The following CNTNAP2 variants were observed in gnomAD, a reference collection of about 807,000 sequenced individuals.
The protein encoded by CNTNAP2 is contactin associated protein 2, also known as contactin-associated protein-like 2.
CNTNAP2 carries 98 observed loss-of-function variants against 155.2 expected under a neutral mutation model. The ratio of observed to expected loss-of-function variants is 0.63; its 90% CI spans 0.54 to 0.75. The LOEUF (loss-of-function observed/expected upper bound fraction) is 0.75. Among genes scored for constraint, CNTNAP2 ranks in the 30% least tolerant of loss-of-function variants. The pLI is 0.00. For missense variants in CNTNAP2, 1,727 were observed against 1,688.1 expected (o/e 1.02, Z -0.40); for synonymous variants, 651 against 631.2 (o/e 1.03, Z -0.47).
At chr7:147,351,162 T>C (rs1795962298) in intron 9 of CNTNAP2, among the ~76,000 whole-genome samples, 1 of 151,834 alleles carries the variant, frequency 6.6e-6, no homozygotes, top group South Asian at 2.1e-4. Flanking sequence ...AAAGTCACTG[T>C]TTTTAGGTTT....
intron 1 of CNTNAP2, among the ~76,000 whole-genome samples, chr7:146,443,189 T>G (rs1796350535): frequency 6.6e-6 from 1 of 151,274 alleles, no homozygotes; most frequent in African/African-American, 2.4e-5. Flanking sequence ...ACTCCAGCCT[T>G]GGTGACAGAG....
intron 1 of CNTNAP2, among the ~76,000 whole-genome samples, chr7:146,575,763 T>A (rs1429224008): frequency 6.6e-6 from 1 of 152,194 alleles, no homozygotes; most frequent in East Asian, 1.9e-4. Context: ...TTTCTAAACT[T>A]GGTAGAAAAA....
intron 23 of CNTNAP2, among the ~76,000 whole-genome samples, chr7:148,410,565 C>CAA (rs56258191): frequency 0.3 from 33,247 of 111,856 alleles, 5,555 homozygotes; most frequent in East Asian, 0.51. Context: ...AGACCTTTCT[C>CAA]AAAAAAAAAA....
At position 146,324,633 on chromosome 7, in the gene CNTNAP2, T is replaced by C. The variant is rs193014908; in HGVS notation, c.97+207660T>C. ...AGTTGAATCATCTATCATTTTATTCTATTTTTAATTGCTTTGCTTTTTCTA... is the reference window on the plus strand; with the variant it reads ...AGTTGAATCATCTATCATTTTATTCCATTTTTAATTGCTTTGCTTTTTCTA... On this transcript the variant is annotated intron_variant, in intron 1 of 23. Transcript: ENST00000361727. Among the ~76,000 whole-genome samples, 784 of 152,296 alleles carry C rather than the reference T, an allele frequency of 5.1e-3. 8 individuals carry two copies. The highest frequency in any genetic ancestry group is 0.018 in the African/African-American group (754 of 41,576).
At chr7:146,839,261 T>C (rs889881415) in intron 2 of CNTNAP2, among the ~76,000 whole-genome samples, 10 of 152,190 alleles carry the variant, frequency 6.6e-5, no homozygotes, top group Non-Finnish European at 1.3e-4. Flanking sequence ...TCTACTTTAC[T>C]TCACAAGAAA....
intron 11 of CNTNAP2, among the ~76,000 whole-genome samples, chr7:147,537,840 G>A (rs546938082): frequency 1.1e-3 from 163 of 152,272 alleles, no homozygotes; most frequent in Non-Finnish European, 2.0e-3. Flanking sequence ...TATGTAAAAT[G>A]TGCTGACAAA....
At chr7:146,681,502 G>T (rs1273834217) in intron 1 of CNTNAP2, among the ~76,000 whole-genome samples, 1 of 85,956 alleles carries the variant, frequency 1.2e-5, no homozygotes, top group African/African-American at 4.7e-5. Flanking sequence ...GGAGAAGGGT[G>T]GGGAGTGGGA....
chr7:148,398,110 A>G (rs1313983515), intron 22 of CNTNAP2, among the ~76,000 whole-genome samples: 1 of 152,222 alleles, frequency 6.6e-6, no homozygotes, highest in Non-Finnish European at 1.5e-5. Context: ...AAATATGTGT[A>G]GAATTAATTT....
chr7:147,269,301 T>G (rs141511173), intron 8 of CNTNAP2, among the ~76,000 whole-genome samples: 64 of 152,344 alleles, frequency 4.2e-4, no homozygotes, highest in African/African-American at 1.3e-3. Context: ...TTTAGGCTTT[T>G]CTAATTGCAA....
intron 3 of CNTNAP2, among the ~76,000 whole-genome samples, chr7:146,986,427 C>T (rs151031487): frequency 5.9e-5 from 9 of 152,256 alleles, no homozygotes; most frequent in African/African-American, 2.2e-4. Flanking sequence ...GGGTTGGTTC[C>T]ATATTTTTGC....
At chr7:147,181,615 G>A (rs1015634274) in intron 8 of CNTNAP2, among the ~76,000 whole-genome samples, 4 of 152,244 alleles carry the variant, frequency 2.6e-5, no homozygotes, top group Admixed American at 2.0e-4. Flanking sequence ...TTAAGCAGGT[G>A]AAGTACAAGA....
chr7:147,935,515 T>G (rs1435625054), intron 14 of CNTNAP2, among the ~76,000 whole-genome samples: 1 of 152,222 alleles, frequency 6.6e-6, no homozygotes, highest in Non-Finnish European at 1.5e-5. Context: ...TGCCACCTTT[T>G]TGGTCAGTTG....
chr7:148,293,041 C>T lies in CNTNAP2; in HGVS notation c.3475+25915C>T, dbSNP rs190677128. ...GTAGAGATTTTTTGAGGGAGCACAGCGCAGTTGTATAGACATCGTGATTGA... is the reference window on the plus strand; with the variant it reads ...GTAGAGATTTTTTGAGGGAGCACAGTGCAGTTGTATAGACATCGTGATTGA... On this transcript the variant is annotated intron_variant, in intron 21 of 23. Transcript: ENST00000361727. Among the ~76,000 whole-genome samples the T allele has an allele frequency of 1.3e-3, 196 of 150,790 alleles. 2 individuals carry two copies. The highest frequency in any genetic ancestry group is 4.6e-3 in the African/African-American group (190 of 41,054).
chr7:146,556,025 C>A (rs1002417365), intron 1 of CNTNAP2, among the ~76,000 whole-genome samples: 2 of 152,150 alleles, frequency 1.3e-5, no homozygotes, highest in Admixed American at 6.5e-5. Context: ...CATTAAATAG[C>A]AATGTCTAAT....
intron 12 of CNTNAP2, among the ~76,000 whole-genome samples, chr7:147,602,230 T>C (rs531776682): frequency 2.1e-4 from 32 of 152,244 alleles, no homozygotes; most frequent in South Asian, 6.2e-4. Context: ...TGCATTTTTA[T>C]AGGAATTATA....
intron 13 of CNTNAP2, among the ~76,000 whole-genome samples, chr7:147,881,483 TA>T (rs1228217292): frequency 2.6e-5 from 4 of 152,154 alleles, no homozygotes; most frequent in Non-Finnish European, 2.9e-5. Context: ...GCTGCAAAGA[TA>T]AAGTGAGATG....
At chr7:146,155,174 CT>C (rs1319180500) in intron 1 of CNTNAP2, among the ~76,000 whole-genome samples, 4 of 152,174 alleles carry the variant, frequency 2.6e-5, no homozygotes, top group African/African-American at 9.6e-5. Context: ...GAATTTTAAT[CT>C]ACTTGTACCT....
chr7:148,238,600 T>G (rs1005249761), intron 20 of CNTNAP2, among the ~76,000 whole-genome samples: 11 of 152,222 alleles, frequency 7.2e-5, no homozygotes, highest in African/African-American at 2.7e-4. Flanking sequence ...AGCAATGACT[T>G]TATAGCGTTT....
intron 3 of CNTNAP2, among the ~76,000 whole-genome samples, chr7:146,855,806 AGTATATATATATATATATATAT>A (rs1794968987): frequency 2.3e-5 from 1 of 44,344 alleles, no homozygotes; most frequent in Non-Finnish European, 4.3e-5. Context: ...TGTGTTAATG[AGTATATATATATATATATATAT>A]ATATATATAT....
Sources: allele counts gnomAD v4.1 joint callset (sites outside exome capture counted in the v4.1 genomes callset), GRCh38; gene constraint gnomAD v4.1.1; transcripts MANE v1.5; gene names NCBI Gene and HGNC (gene_info 2026-07-23, HGNC 2026-07-21).